ZNF280B: variants seen among roughly 807,000 people sequenced by gnomAD.
ZNF280B encodes zinc finger protein 280B.
ZNF280B carries 16 observed loss-of-function variants against 38.0 expected under a neutral mutation model. The observed-to-expected ratio is 0.42, with a 90% CI of 0.28 to 0.64. The LOEUF is 0.64. Among genes scored for constraint, ZNF280B ranks in the 30% least tolerant of loss-of-function variants. The probability of loss-of-function intolerance (pLI) is 0.21; values close to 1 mark genes in which losing one functional copy is unlikely to be tolerated. For synonymous variants in ZNF280B, 253 were observed against 230.6 expected, an observed-to-expected ratio of 1.10 and a Z score of -0.88; for missense variants, 581 against 639.6, an observed-to-expected ratio of 0.91 and a Z score of 0.99.
At chr22:22,505,143 T>TA (rs1175680831) in intron 2 of ZNF280B, among the ~76,000 whole-genome samples, 1 of 151,876 alleles carries the variant, frequency 6.6e-6, no homozygotes, top group African/African-American at 2.4e-5. Flanking sequence ...CTGGAGCACT[T>TA]AACACATGCA....
intron 3 of ZNF280B, among the ~76,000 whole-genome samples, chr22:22,489,680 A>T (rs1199589322): frequency 4.7e-5 from 5 of 105,868 alleles, no homozygotes; most frequent in East Asian, 3.7e-4. Flanking sequence ...TTCCATTTTA[A>T]AAAAAAAAAC....
intron 2 of ZNF280B, among the ~76,000 whole-genome samples, chr22:22,504,603 C>T (rs1426912411): frequency 1.3e-5 from 2 of 151,912 alleles, no homozygotes; most frequent in East Asian, 3.9e-4. Context: ...TGTTAATCTA[C>T]AGAAAGACCA....
chr22:22,505,600 T>C (rs1325481412), intron 2 of ZNF280B, among the ~76,000 whole-genome samples: 3 of 142,288 alleles, frequency 2.1e-5, no homozygotes, highest in Non-Finnish European at 3.1e-5. Flanking sequence ...AAAATAATAA[T>C]AATACAAAAA....
Position 22,485,006 on chromosome 22 carries a change from G to GT in ZNF280B, c.*2760dup, listed in dbSNP as rs1224967875. On this transcript the variant is annotated 3_prime_UTR_variant, in exon 4 of 4. Transcript: ENST00000626650. ...GGCATTCTAAGAAAGACAACAGCATGTGCAAAGTCTTTGGATTGGGAAGAA... is the reference window on the plus strand; with the variant it reads ...GGCATTCTAAGAAAGACAACAGCATGTTGCAAAGTCTTTGGATTGGGAAGAA... The GT allele has an allele frequency of 6.6e-6, 1 of 152,352 alleles. No individual in the cohort carries two copies. Among genetic ancestry groups the GT allele is most frequent in the Non-Finnish European group, 1.5e-5 (1 of 68,028 alleles). 9.4% of individuals were successfully genotyped at this position (152,352 alleles called of 1,614,324 possible).
chr22:22,493,209 A>G (rs1191468644), intron 3 of ZNF280B, among the ~76,000 whole-genome samples: 1 of 151,810 alleles, frequency 6.6e-6, no homozygotes, highest in African/African-American at 2.4e-5. Context: ...GGGTTTCACC[A>G]TGATGGCCAG....
At chr22:22,495,070 C>T (rs565086915) in intron 2 of ZNF280B, among the ~76,000 whole-genome samples, 105 of 152,002 alleles carry the variant, frequency 6.9e-4, no homozygotes, top group African/African-American at 2.3e-3. Context: ...TTTAACCACA[C>T]ACATACTCTT....
In ZNF280B at chr22:22,502,538, T is replaced by C. The variant is rs563370621; in HGVS notation, c.-187+5272A>G. Among the ~76,000 whole-genome samples, 22 of 152,046 alleles carry C rather than the reference T, an allele frequency of 1.4e-4. No individual in the cohort carries two copies. In the South Asian group the frequency reaches 4.4e-3, roughly 30 times the overall value. On this transcript the variant is annotated intron_variant, in intron 2 of 3. Coordinates refer to ENST00000626650, the MANE Select transcript of ZNF280B (RefSeq NM_080764.4). ...GTGCAAACAACCGAATGTAAATTAATTGATAAATGAATAAACGAACTGTGG... is the reference window on the plus strand; with the variant it reads ...GTGCAAACAACCGAATGTAAATTAACTGATAAATGAATAAACGAACTGTGG...
intron 2 of ZNF280B, among the ~76,000 whole-genome samples, chr22:22,506,703 C>T (rs1354874824): frequency 1.3e-5 from 2 of 151,680 alleles, no homozygotes; most frequent in African/African-American, 4.8e-5. Flanking sequence ...AAAACTTAAC[C>T]CTAGACAAAG....
At position 22,489,127 on chromosome 22, in the gene ZNF280B, T is replaced by A; in HGVS notation, c.272A>T (p.His91Leu). 6.2e-7 allele frequency: 1 copy of A among 1,613,920 alleles called. No homozygotes were observed. The highest frequency in any genetic ancestry group is 1.3e-5 in the African/African-American group (1 of 74,988). Residue 91 changes from histidine to leucine, a missense_variant, in exon 4 of 4, where the codon CAT (histidine) becomes CTT (leucine). By Grantham distance (99) the His-to-Leu change is moderately conservative. Coordinates refer to ENST00000626650, the MANE Select transcript of ZNF280B (RefSeq NM_080764.4). ...CACTGCTTCTGATGTAACGGTCTCA[T>A]GACTTTTAGGCTGCAATTTGCGAGC... is the stretch of plus-strand genomic sequence containing the variant. ...DTARKLQPKS[H>L]ETVTSEAVTV...
At chr22:22,498,736 A>C (rs1231989683) in intron 2 of ZNF280B, among the ~76,000 whole-genome samples, 3 of 151,122 alleles carry the variant, frequency 2.0e-5, no homozygotes, top group Non-Finnish European at 1.5e-5. Context: ...TATTACTCTT[A>C]CACCAAAATC....
At chr22:22,506,808 G>C (rs539649171) in intron 2 of ZNF280B, among the ~76,000 whole-genome samples, 1 of 152,034 alleles carries the variant, frequency 6.6e-6, no homozygotes, top group South Asian at 2.1e-4. Flanking sequence ...CAGAGTAACA[G>C]GACAATGCTT....
intron 2 of ZNF280B, among the ~76,000 whole-genome samples, chr22:22,497,638 T>G (rs1035474241): frequency 6.6e-6 from 1 of 151,912 alleles, no homozygotes; most frequent in Non-Finnish European, 1.5e-5. Flanking sequence ...CAAAGTCAAC[T>G]TATTAAATGC....
rs1171588291 is a variant in ZNF280B, at chr22:22,484,463, T to G, written c.*3304A>C. On this transcript the variant is annotated 3_prime_UTR_variant, in exon 4 of 4. Coordinates refer to ENST00000626650, the MANE Select transcript of ZNF280B (RefSeq NM_080764.4). ...TTTATTACTATAATTGATATTTTAC[T>G]TATAATTTTTGGCAACATTAATAAA... is the stretch of plus-strand genomic sequence containing the variant. 1 of 152,444 alleles carries G rather than the reference T, an allele frequency of 6.6e-6. No individual in the cohort carries two copies. Among genetic ancestry groups the G allele is most frequent in the Non-Finnish European group, 1.5e-5 (1 of 68,032 alleles). The allele number at this position is 152,444 out of a possible 1,614,324, so 9.4% of individuals were successfully genotyped here. A position where few individuals can be genotyped will look rare whatever the true frequency, so the allele number is the denominator to read the frequency against.
rs527502535 is a variant in ZNF280B at position 22,496,629 on chromosome 22, T to C, written c.-186-2449A>G. Among the ~76,000 whole-genome samples the C allele has an allele frequency of 1.7e-4, 26 of 151,746 alleles. 1 individual carries two copies. The South Asian group carries it at 5.0e-3, about 29-fold the overall frequency. On this transcript the variant is annotated intron_variant, in intron 2 of 3. Transcript: ENST00000626650. Reference sequence around the variant, plus strand: ...CTAAGATAGCAAACGTGTAGAGTTATTTGTGGGGGTGGGGGACAAGTTTGA... The same window carrying C: ...CTAAGATAGCAAACGTGTAGAGTTACTTGTGGGGGTGGGGGACAAGTTTGA...
At chr22:22,502,378 T>C (rs1443625093) in intron 2 of ZNF280B, among the ~76,000 whole-genome samples, 3 of 151,902 alleles carry the variant, frequency 2.0e-5, no homozygotes, top group Admixed American at 2.0e-4. Flanking sequence ...TTGGAAAAGT[T>C]TGGCAATTGC....
intron 2 of ZNF280B, among the ~76,000 whole-genome samples, chr22:22,497,556 A>T (rs1232597319): frequency 1.3e-5 from 2 of 151,868 alleles, no homozygotes; most frequent in Admixed American, 1.3e-4. Context: ...CTGAGTTTTT[A>T]AAGGGCTTGA....
At chr22:22,492,307 G>C (rs1278215704) in intron 3 of ZNF280B, among the ~76,000 whole-genome samples, 1 of 151,900 alleles carries the variant, frequency 6.6e-6, no homozygotes, top group East Asian at 2.0e-4. Context: ...ACTCCAGGAT[G>C]ATGTCACCTA....
chr22:22,498,355 A>G (rs950100824), intron 2 of ZNF280B, among the ~76,000 whole-genome samples: 1 of 151,980 alleles, frequency 6.6e-6, no homozygotes, highest in Non-Finnish European at 1.5e-5. Context: ...ATGTTATGTG[A>G]CTTTCACCTC....
At chr22:22,489,734 C>G (rs2061556083) in intron 3 of ZNF280B, among the ~76,000 whole-genome samples, 1 of 151,542 alleles carries the variant, frequency 6.6e-6, no homozygotes, top group African/African-American at 2.4e-5. Flanking sequence ...GGAAAAGACA[C>G]ACATTTTTAT....
Sources: gnomAD v4.1 joint callset for allele counts (sites outside exome capture counted in the v4.1 genomes callset) on GRCh38, gnomAD v4.1.1 for gene constraint, MANE v1.5 for transcripts, NCBI Gene and HGNC (gene_info 2026-07-23, HGNC 2026-07-21) for gene names.